Variants in RCVRN observed in about 807,000 individuals in gnomAD.
RCVRN encodes the protein cancer associated retinopathy antigen.
Under a neutral mutation model 20.4 loss-of-function variants are expected in RCVRN, and 23 were observed. The observed-to-expected ratio is 1.13, with a 90% CI of 0.81 to 1.60. RCVRN has a LOEUF of 1.60. RCVRN is among the 40% of genes most tolerant of loss of function. RCVRN has a pLI of 0.00. For missense variants in RCVRN, 254 were observed against 254.2 expected (o/e 1.00, Z 0.00); for synonymous variants, 105 against 105.9 (o/e 0.99, Z 0.05).
At chr17:9,903,925 T>C (rs1407136104) in intron 1 of RCVRN, among the ~76,000 whole-genome samples, 2 of 152,132 alleles carry the variant, frequency 1.3e-5, no homozygotes, top group Non-Finnish European at 2.9e-5. Context: ...ATAGAAATCA[T>C]GCAGTAAAAA....
chr17:9,901,605 A>G (rs1225194029), intron 1 of RCVRN, among the ~76,000 whole-genome samples: 1 of 152,312 alleles, frequency 6.6e-6, no homozygotes, highest in African/African-American at 2.4e-5. Context: ...AGCCCAGGGC[A>G]GCAGCGTCGC....
chr17:9,904,738 G>A lies in RCVRN; in HGVS notation c.381+62C>T. 5 of 1,555,068 alleles carry A rather than the reference G, an allele frequency of 3.2e-6. No individual in the cohort carries two copies. The highest frequency in any genetic ancestry group is 4.4e-6 in the Non-Finnish European group (5 of 1,144,998). ...ACTCCCTCTGCAGCAGCTGCAGCAGGGGACCCCCAGCCCGGAGCGACCCCG... is the reference window on the plus strand; with the variant it reads ...ACTCCCTCTGCAGCAGCTGCAGCAGAGGACCCCCAGCCCGGAGCGACCCCG... On this transcript the variant is annotated intron_variant, in intron 1 of 2. Coordinates refer to ENST00000226193, the MANE Select transcript of RCVRN (RefSeq NM_002903.3). The surrounding 1 kb of genome is among the most constrained non-coding windows in gnomAD (Gnocchi z 5.8).
chr17:9,898,525 T>C (rs1284806588), intron 2 of RCVRN, among the ~76,000 whole-genome samples: 1 of 152,232 alleles, frequency 6.6e-6, no homozygotes, highest in African/African-American at 2.4e-5. Flanking sequence ...GGTTATTAAA[T>C]ACTTCAATAA....
In RCVRN at chr17:9,898,251, G is replaced by A. The variant is rs368580981; in HGVS notation, c.494-47C>T. On this transcript the variant is annotated intron_variant, in intron 2 of 2. Transcript: ENST00000226193. ...ATACGTACATAAAACAGTCAGGATT[G>A]ATAGCCAAGTGAGCTGCGATGAGGC... The A allele has an allele frequency of 3.4e-4, 405 of 1,194,316 alleles. 2 individuals carry two copies. In the East Asian group the frequency reaches 7.4e-3, roughly 22 times the overall value. 74.0% of individuals were successfully genotyped at this position (1,194,316 alleles called of 1,614,324 possible). A position where few individuals can be genotyped will look rare whatever the true frequency, so the allele number is the denominator to read the frequency against.
At position 9,899,620 on chromosome 17, in the gene RCVRN, G is replaced by A. The variant is rs1353769646; in HGVS notation, c.493+1369C>T. On this transcript the variant is annotated intron_variant, in intron 2 of 2. Transcript: ENST00000226193. This position sits in a 1 kb window ranked among gnomAD's most constrained non-coding sequence, Gnocchi z 4.6. ...CCAAAAGAAGGCATCTTGGTAGCCA[G>A]TGTCTGTGCAAGGAGGAGAGAGTGC... Among the ~76,000 whole-genome samples, 2 of 152,238 alleles carry A rather than the reference G, an allele frequency of 1.3e-5. No individual in the cohort carries two copies. Among genetic ancestry groups the A allele is most frequent in the Admixed American group, 1.3e-4 (2 of 15,290 alleles).
At chr17:9,901,596 G>T (rs1009413136) in intron 1 of RCVRN, among the ~76,000 whole-genome samples, 5 of 152,192 alleles carry the variant, frequency 3.3e-5, no homozygotes, top group African/African-American at 1.2e-4. Flanking sequence ...CAAAGCCACA[G>T]CCCAGGGCAG....
chr17:9,904,148 G>C lies in RCVRN; in HGVS notation c.381+652C>G, dbSNP rs1451464395. ...CCCAGCTACTCGGGAGGCTGAGACAGGAGAATTGCTTGAACTCGGGAGGCA... is the reference window on the plus strand; with the variant it reads ...CCCAGCTACTCGGGAGGCTGAGACACGAGAATTGCTTGAACTCGGGAGGCA... On this transcript the variant is annotated intron_variant, in intron 1 of 2. Transcript: ENST00000226193. This position sits in a 1 kb window ranked among gnomAD's most constrained non-coding sequence, Gnocchi z 5.8. 6.6e-6 allele frequency among the ~76,000 whole-genome samples: 1 copy of C among 152,178 alleles called. No individual in the cohort carries two copies. Among genetic ancestry groups the C allele is most frequent in the African/African-American group, 2.4e-5 (1 of 41,434 alleles).
chr17:9,897,480 C>T lies in RCVRN; in HGVS notation c.*615G>A, dbSNP rs1362307037. 1.3e-5 allele frequency: 2 copies of T among 152,258 alleles called. No individual in the cohort carries two copies. The allele number at this position is 152,258 out of a possible 1,614,324, so 9.4% of individuals were successfully genotyped here. On this transcript the variant is annotated 3_prime_UTR_variant, in exon 3 of 3. Transcript: ENST00000226193. The stretch of plus-strand genomic sequence containing the variant: ...AAGTCAGCCCCTTCCACTGTGTCCT[C>T]CCCTGGTGCTCTGCACGTTTCCATG...
intron 1 of RCVRN, among the ~76,000 whole-genome samples, chr17:9,902,727 G>A (rs2067346935): frequency 6.6e-6 from 1 of 152,222 alleles, no homozygotes; most frequent in African/African-American, 2.4e-5. Flanking sequence ...GTTGGGTGCG[G>A]AAGCTCACGC....
chr17:9,900,155 T>C (rs1256645149), intron 2 of RCVRN, among the ~76,000 whole-genome samples: 1 of 152,148 alleles, frequency 6.6e-6, no homozygotes, highest in Non-Finnish European at 1.5e-5. Context: ...CCCCACTGCT[T>C]GTAGATGACT....
In RCVRN at chr17:9,905,224, T is replaced by G; in HGVS notation, c.-44A>C. The G allele has an allele frequency of 4.5e-6, 7 of 1,541,784 alleles. No individual in the cohort carries two copies. Among genetic ancestry groups the G allele is most frequent in the East Asian group, 2.3e-5 (1 of 43,614 alleles). On this transcript the variant is annotated 5_prime_UTR_variant, in exon 1 of 3. Coordinates refer to ENST00000226193, the MANE Select transcript of RCVRN (RefSeq NM_002903.3). ...AGCGGCTGGGGAGTCGCTGGGTGGG[T>G]GGGACGTGCGTGGTCCCCTGGCCGC...
In RCVRN at chr17:9,899,807, T is replaced by G. The variant is rs2067333785; in HGVS notation, c.493+1182A>C. On this transcript the variant is annotated intron_variant, in intron 2 of 2. Coordinates refer to ENST00000226193, the MANE Select transcript of RCVRN (RefSeq NM_002903.3). The surrounding 1 kb of genome is among the most constrained non-coding windows in gnomAD (Gnocchi z 4.6). ...GTGTCCTATGTTCCTCCTACCCCAA[T>G]GACCTTCATGCTTCTCTTATTTCAT... Among the ~76,000 whole-genome samples, 1 of 152,166 alleles carries G rather than the reference T, an allele frequency of 6.6e-6. No individual in the cohort carries two copies. Among genetic ancestry groups the G allele is most frequent in the African/African-American group, 2.4e-5 (1 of 41,452 alleles).
At chr17:9,900,534 A>AGG (rs1567747262) in intron 2 of RCVRN, among the ~76,000 whole-genome samples, 1 of 129,232 alleles carries the variant, frequency 7.7e-6, no homozygotes, top group African/African-American at 4.9e-5. Flanking sequence ...TCTCCCTGCC[A>AGG]GGGGTCAGAT....
In RCVRN at chr17:9,898,038, G is replaced by A; in HGVS notation, c.*57C>T. 1 of 1,088,322 alleles carries A rather than the reference G, an allele frequency of 9.2e-7. No homozygotes were observed. Among genetic ancestry groups the A allele is most frequent in the African/African-American group, 1.5e-5 (1 of 64,800 alleles). 67.4% of individuals were successfully genotyped at this position (1,088,322 alleles called of 1,614,324 possible). A position where few individuals can be genotyped will look rare whatever the true frequency, so the allele number is the denominator to read the frequency against. On this transcript the variant is annotated 3_prime_UTR_variant, in exon 3 of 3. Coordinates refer to ENST00000226193, the MANE Select transcript of RCVRN (RefSeq NM_002903.3). ...TGTGCATGTGTGTGTGTGTGCACAGGCGCTCACGGGTGTCATGTGAGTGGT... is the reference window on the plus strand; with the variant it reads ...TGTGCATGTGTGTGTGTGTGCACAGACGCTCACGGGTGTCATGTGAGTGGT...
chr17:9,897,856 G>A lies in RCVRN; in HGVS notation c.*239C>T. 2.0e-6 allele frequency: 1 copy of A among 507,166 alleles called. No homozygotes were observed. Among genetic ancestry groups the A allele is most frequent in the Non-Finnish European group, 3.6e-6 (1 of 281,682 alleles). 31.4% of individuals were successfully genotyped at this position (507,166 alleles called of 1,614,324 possible). ...GTGGACAGAGGGAGGGGTGGGACCG[G>A]GCATGATGGGAGGGAATGCTGAAGA... On this transcript the variant is annotated 3_prime_UTR_variant, in exon 3 of 3. Transcript: ENST00000226193.
chr17:9,904,536 T>C lies in RCVRN; in HGVS notation c.381+264A>G, dbSNP rs1478799216. On this transcript the variant is annotated intron_variant, in intron 1 of 2. Coordinates refer to ENST00000226193, the MANE Select transcript of RCVRN (RefSeq NM_002903.3). The surrounding 1 kb of genome is among the most constrained non-coding windows in gnomAD (Gnocchi z 5.8). Reference sequence around the variant, plus strand: ...CCACAGTGGTCTATATCGTCCGTTGTTGACCCAAACATCGTGAAGCCAAGC... The same window carrying C: ...CCACAGTGGTCTATATCGTCCGTTGCTGACCCAAACATCGTGAAGCCAAGC... Among the ~76,000 whole-genome samples, 1 of 152,246 alleles carries C rather than the reference T, an allele frequency of 6.6e-6. No homozygotes were observed. Among genetic ancestry groups the C allele is most frequent in the Non-Finnish European group, 1.5e-5 (1 of 68,042 alleles).
chr17:9,901,015 C>T lies in RCVRN; in HGVS notation c.467G>A (p.Trp156Ter), dbSNP rs757941331. 6.2e-7 allele frequency: 1 copy of T among 1,608,092 alleles called. No individual in the cohort carries two copies. Among genetic ancestry groups the T allele is most frequent in the Non-Finnish European group, 8.5e-7 (1 of 1,175,160 alleles). The change falls in exon 2 of 3, where the codon TGG becomes TAG. Residue 156 changes from tryptophan (W) to a stop codon, truncating the protein, a stop_gained. Transcript: ENST00000226193. LOFTEE classifies it high-confidence loss of function. ...ATCATCATTCTTTCCAAAGTACTTC[C>T]AGATCTTCTCGGCTCGCTTTTCCGG... ...NTPEKRAEKI[W>*]KYFGKNDDDK...
intron 2 of RCVRN, among the ~76,000 whole-genome samples, chr17:9,898,636 T>C (rs1167224192): frequency 6.6e-6 from 1 of 152,228 alleles, no homozygotes; most frequent in Non-Finnish European, 1.5e-5. Flanking sequence ...CAAAACAATC[T>C]GGATGTCAGG....
In RCVRN at chr17:9,897,422, TCG is replaced by T. The variant is rs199715983; in HGVS notation, c.*671_*672del. ...AGTGGTTCTGAATTTAAATCTCCCT[TCG>T]TCAGGGATGTGGTCCCTGATCCCCC... On this transcript the variant is annotated 3_prime_UTR_variant, in exon 3 of 3. Coordinates refer to ENST00000226193, the MANE Select transcript of RCVRN (RefSeq NM_002903.3). 0.16 allele frequency: 23,914 copies of T among 151,648 alleles called. 2,527 individuals carry two copies. The highest frequency in any genetic ancestry group is 0.24 in the Non-Finnish European group (16,046 of 67,868). The allele number at this position is 151,648 out of a possible 1,614,324, so 9.4% of individuals were successfully genotyped here. A position where few individuals can be genotyped will look rare whatever the true frequency, so the allele number is the denominator to read the frequency against.
Sources: gnomAD v4.1 joint callset for allele counts (sites outside exome capture counted in the v4.1 genomes callset) on GRCh38, gnomAD v4.1.1 for gene constraint, Gnocchi (gnomAD v3.1) non-coding constraint, MANE v1.5 for transcripts, NCBI Gene and HGNC (gene_info 2026-07-23, HGNC 2026-07-21) for gene names.